The following FAT3 variants were observed in gnomAD, a reference collection of about 807,000 sequenced individuals.
FAT3 encodes protocadherin Fat 3.
FAT3 carries 95 observed loss-of-function variants against 310.2 expected under a neutral mutation model. That is an observed-to-expected ratio of 0.31 (90% CI 0.26 to 0.36). The LOEUF is 0.36. Ranked by LOEUF, FAT3 falls within the 10% of genes least tolerant of loss-of-function variation. The pLI is 1.00. For missense variants in FAT3, 5,408 were observed against 5,715.6 expected (o/e 0.95, Z 1.74); for synonymous variants, 2,314 against 2,192.9 (o/e 1.06, Z -1.54).
Position 92,873,874 on chromosome 11 carries a change from T to C in FAT3, c.12127+6665T>C, listed in dbSNP as rs535926215. ...ATGTATCTCCACACTAGTAGGACCA[T>C]TTCCTTTCTAAAATCTGAGAACTGG... is the stretch of plus-strand genomic sequence containing the variant. On this transcript the variant is annotated intron_variant, in intron 22 of 27. Transcript: ENST00000525166. 4.6e-5 allele frequency among the ~76,000 whole-genome samples: 7 copies of C among 152,334 alleles called. No individual in the cohort carries two copies. The South Asian group carries it at 1.5e-3, about 32-fold the overall frequency.
chr11:92,362,988 C>G (rs1268311577), intron 2 of FAT3, among the ~76,000 whole-genome samples: 1 of 152,074 alleles, frequency 6.6e-6, no homozygotes, highest in Non-Finnish European at 1.5e-5. Context: ...TCTTTTCTAC[C>G]ATAAAAGAAC....
chr11:92,801,297 A>T lies in FAT3; in HGVS notation c.8284A>T (p.Thr2762Ser). The change falls in exon 10 of 28, where the codon ACA (threonine) becomes TCA (serine). Residue 2762 changes from threonine (T) to serine (S), a missense_variant. Transcript: ENST00000525166. ...KGGIFVIEQETGTIKLDKRLD... is the reference protein window; with the variant it reads ...KGGIFVIEQESGTIKLDKRLD... ...GGGCATATTCGTCATAGAACAGGAA[A>T]CAGGCACTATTAAGCTTGACAAACG... 6.2e-7 allele frequency: 1 copy of T among 1,613,968 alleles called. No homozygotes were observed. The highest frequency in any genetic ancestry group is 1.1e-5 in the South Asian group (1 of 91,084).
intron 4 of FAT3, among the ~76,000 whole-genome samples, chr11:92,708,272 T>G (rs577712635): frequency 8.5e-4 from 130 of 152,348 alleles, no homozygotes; most frequent in African/African-American, 3.1e-3. Flanking sequence ...TGTTACACAA[T>G]TATTCAATCA....
In FAT3 at chr11:92,782,075, G is replaced by A. The variant is rs898385230; in HGVS notation, c.4336-7868G>A. 2.6e-5 allele frequency among the ~76,000 whole-genome samples: 4 copies of A among 152,206 alleles called. No individual in the cohort carries two copies. The East Asian group carries it at 5.8e-4, about 22-fold the overall frequency. ...ATGAATCCCAACATTTTGGGAGGCT[G>A]AGACGGGAGGATCACTTGAGGCCAG... On this transcript the variant is annotated intron_variant, in intron 7 of 27. Transcript: ENST00000525166.
At chr11:92,523,677 C>T (rs1207914860) in intron 2 of FAT3, among the ~76,000 whole-genome samples, 1 of 150,784 alleles carries the variant, frequency 6.6e-6, no homozygotes, top group Non-Finnish European at 1.5e-5. Flanking sequence ...GAATTTCACG[C>T]TTTCTATGAG....
intron 1 of FAT3, among the ~76,000 whole-genome samples, chr11:92,253,578 C>A (rs1865210506): frequency 6.6e-6 from 1 of 152,112 alleles, no homozygotes; most frequent in Non-Finnish European, 1.5e-5. Flanking sequence ...GGTGCTCTCA[C>A]TTGCCAAGAA....
chr11:92,810,726 A>G (rs950907145), intron 13 of FAT3, among the ~76,000 whole-genome samples: 1 of 152,136 alleles, frequency 6.6e-6, no homozygotes, highest in African/African-American at 2.4e-5. Context: ...ACATAATGAG[A>G]TGGTGAGTTA....
At chr11:92,840,789 C>T (rs1948524376) in intron 18 of FAT3, 30 bp downstream of exon 18, 1 of 1,491,582 alleles carries the variant, frequency 6.7e-7, no homozygotes. Flanking sequence ...CTCCGTCGTG[C>T]TGTCTTTCTT....
intron 2 of FAT3, among the ~76,000 whole-genome samples, chr11:92,428,346 A>AT (rs1248419147): frequency 1.7e-4 from 24 of 145,342 alleles, no homozygotes; most frequent in Admixed American, 3.4e-4. Context: ...GGATTCATTG[A>AT]TTTTTTCCAA....
At chr11:92,708,702 T>C (rs1364216342) in intron 4 of FAT3, among the ~76,000 whole-genome samples, 1 of 152,264 alleles carries the variant, frequency 6.6e-6, no homozygotes, top group Non-Finnish European at 1.5e-5. Flanking sequence ...ATACTTATGA[T>C]ACTTTAATAA....
chr11:92,682,594 G>A (rs886961905), intron 3 of FAT3, among the ~76,000 whole-genome samples: 4 of 152,178 alleles, frequency 2.6e-5, no homozygotes, highest in Admixed American at 2.6e-4. Context: ...CAAATACTTG[G>A]CATTCAGTTG....
intron 2 of FAT3, among the ~76,000 whole-genome samples, chr11:92,521,038 A>G (rs149139953): frequency 0.011 from 1,661 of 152,218 alleles, 15 homozygotes; most frequent in Non-Finnish European, 0.016. Context: ...AAAGGCTGTG[A>G]TATACCATCT....
At chr11:92,608,135 G>T (rs1940390376) in intron 3 of FAT3, among the ~76,000 whole-genome samples, 1 of 152,164 alleles carries the variant, frequency 6.6e-6, no homozygotes, top group Non-Finnish European at 1.5e-5. Context: ...ACGGATAAGT[G>T]TAACAAGTTT....
At chr11:92,315,759 T>A (rs1947444806) in intron 1 of FAT3, among the ~76,000 whole-genome samples, 1 of 151,760 alleles carries the variant, frequency 6.6e-6, no homozygotes. Context: ...CGGTCTCAAG[T>A]GATCCACCCA....
chr11:92,640,093 T>G (rs1565479173), intron 3 of FAT3, among the ~76,000 whole-genome samples: 1 of 152,166 alleles, frequency 6.6e-6, no homozygotes, highest in South Asian at 2.1e-4. Flanking sequence ...TGATTTTTTT[T>G]GCCCTTTTTT....
chr11:92,612,683 A>G (rs1397982275), intron 3 of FAT3, among the ~76,000 whole-genome samples: 1 of 152,206 alleles, frequency 6.6e-6, no homozygotes, highest in Non-Finnish European at 1.5e-5. Flanking sequence ...TTTATACTGT[A>G]CTGCAACATA....
chr11:92,795,158 G>T (rs1020347923), intron 9 of FAT3, among the ~76,000 whole-genome samples: 2 of 151,990 alleles, frequency 1.3e-5, no homozygotes, highest in Non-Finnish European at 2.9e-5. Flanking sequence ...TTTTGTGTTT[G>T]GTGTCAATGG....
intron 4 of FAT3, among the ~76,000 whole-genome samples, chr11:92,745,549 G>T (rs1945635616): frequency 6.9e-6 from 1 of 144,060 alleles, no homozygotes; most frequent in Non-Finnish European, 1.5e-5. Context: ...GAAATGTGAT[G>T]AGATTAGTAG....
chr11:92,408,972 T>C (rs487027), intron 2 of FAT3, among the ~76,000 whole-genome samples: 49,825 of 152,070 alleles, frequency 0.33, 11,728 homozygotes, highest in African/African-American at 0.67. Context: ...TAAAATTATG[T>C]CCATATTTAA....
Sources: allele counts gnomAD v4.1 joint callset (sites outside exome capture counted in the v4.1 genomes callset), GRCh38; gene constraint gnomAD v4.1.1; transcripts MANE v1.5; gene names NCBI Gene and HGNC (gene_info 2026-07-23, HGNC 2026-07-21).